Variants in SGCZ observed in about 807,000 individuals in gnomAD.
SGCZ encodes zeta-sarcoglycan.
In SGCZ, 40 loss-of-function variants were observed where a neutral mutation model predicts 41.3. That is an observed-to-expected ratio of 0.97 (90% CI 0.75 to 1.26). The LOEUF (loss-of-function observed/expected upper bound fraction) is 1.26, where lower values mean the gene tolerates loss of function less well. Among genes scored for constraint, SGCZ ranks in the 50% most tolerant of loss-of-function variants. SGCZ has a pLI of 0.00. For missense variants in SGCZ, 552 were observed against 369.8 expected, an observed-to-expected ratio of 1.49 and a Z score of -4.04; for synonymous variants, 206 against 137.5, an observed-to-expected ratio of 1.50 and a Z score of -3.49.
intron 4 of SGCZ, among the ~76,000 whole-genome samples, chr8:14,200,195 A>G (rs1805409550): frequency 6.6e-6 from 1 of 152,190 alleles, no homozygotes; most frequent in Admixed American, 6.5e-5. Context: ...TCAAATTACT[A>G]AAGAACACAA....
At chr8:14,436,348 G>A (rs1800091248) in intron 2 of SGCZ, among the ~76,000 whole-genome samples, 2 of 152,162 alleles carry the variant, frequency 1.3e-5, no homozygotes, top group Admixed American at 1.3e-4. Context: ...TTTAAGGTTT[G>A]TGTTCTTTGT....
At chr8:14,436,168 C>T (rs1006653239) in intron 2 of SGCZ, among the ~76,000 whole-genome samples, 6 of 152,146 alleles carry the variant, frequency 3.9e-5, no homozygotes, top group African/African-American at 1.2e-4. Flanking sequence ...CTGCCCCGAC[C>T]TCTTGCCAGT....
At chr8:14,438,339 C>T (rs1167748280) in intron 2 of SGCZ, among the ~76,000 whole-genome samples, 2 of 151,978 alleles carry the variant, frequency 1.3e-5, no homozygotes, top group East Asian at 1.9e-4. Context: ...GTATTACACA[C>T]ATTTTCTGAA....
chr8:14,937,004 C>T (rs1236742516), intron 1 of SGCZ, among the ~76,000 whole-genome samples: 2 of 151,464 alleles, frequency 1.3e-5, no homozygotes, highest in African/African-American at 4.8e-5. Flanking sequence ...AGAACAATAA[C>T]ATTAACCAAA....
chr8:15,021,945 T>A (rs1382785789), intron 1 of SGCZ, among the ~76,000 whole-genome samples: 1 of 152,202 alleles, frequency 6.6e-6, no homozygotes, highest in Non-Finnish European at 1.5e-5. Context: ...CTAAGAAACA[T>A]CCTGATGACC....
At chr8:14,365,495 T>C (rs1057496568) in intron 2 of SGCZ, among the ~76,000 whole-genome samples, 4 of 152,164 alleles carry the variant, frequency 2.6e-5, no homozygotes, top group Non-Finnish European at 4.4e-5. Flanking sequence ...TTGATTTCCA[T>C]GATGCAAACT....
At chr8:14,489,006 T>A (rs1801763886) in intron 2 of SGCZ, among the ~76,000 whole-genome samples, 1 of 148,124 alleles carries the variant, frequency 6.8e-6, no homozygotes, top group African/African-American at 2.4e-5. Context: ...TATATATGTA[T>A]ATATATAATA....
intron 1 of SGCZ, among the ~76,000 whole-genome samples, chr8:14,561,350 G>A (rs1231120059): frequency 2.6e-5 from 4 of 152,092 alleles, no homozygotes; most frequent in Non-Finnish European, 5.9e-5. Context: ...CAATTGCAGA[G>A]GTACTGATTT....
chr8:14,151,215 A>T (rs940452680), intron 5 of SGCZ, among the ~76,000 whole-genome samples: 1 of 152,314 alleles, frequency 6.6e-6, no homozygotes, highest in East Asian at 1.9e-4. Flanking sequence ...CCTTGAGGGC[A>T]TGAATACTCC....
chr8:14,276,436 C>T (rs1035613935), intron 3 of SGCZ, among the ~76,000 whole-genome samples: 2 of 152,086 alleles, frequency 1.3e-5, no homozygotes, highest in Admixed American at 6.6e-5. Context: ...ATTTATGTCC[C>T]GTGCCATGTG....
At chr8:14,512,544 TCA>T (rs149695151) in intron 2 of SGCZ, among the ~76,000 whole-genome samples, 3,030 of 152,192 alleles carry the variant, frequency 0.02, 74 homozygotes, top group African/African-American at 0.052. Context: ...GACTGCAGCC[TCA>T]AATTCCTGGA....
At position 14,152,622 on chromosome 8, in the gene SGCZ, A is replaced by T. The variant is rs1011020336; in HGVS notation, c.547+11958T>A. Among the ~76,000 whole-genome samples, 16 of 152,228 alleles carry T rather than the reference A, an allele frequency of 1.1e-4. 1 individual carries two copies. The highest frequency in any genetic ancestry group is 3.6e-4 in the African/African-American group (15 of 41,458). The stretch of plus-strand genomic sequence containing the variant: ...AGTGTTATAATCATTCTGCAAAAAA[A>T]GTTTATAAAACAAAACTTGCATCCA... On this transcript the variant is annotated intron_variant, in intron 5 of 7. Transcript: ENST00000382080.
chr8:14,725,158 G>C (rs1283876483), intron 1 of SGCZ, among the ~76,000 whole-genome samples: 7 of 152,224 alleles, frequency 4.6e-5, no homozygotes, highest in Admixed American at 2.6e-4. Context: ...TCCATCCATG[G>C]TGTTGCAAAT....
chr8:14,304,175 G>C (rs973885377), intron 3 of SGCZ, among the ~76,000 whole-genome samples: 1 of 152,130 alleles, frequency 6.6e-6, no homozygotes, highest in African/African-American at 2.4e-5. Context: ...GGATGTTGTA[G>C]CTCCCACTTG....
At chr8:15,001,904 G>A (rs1008541646) in intron 1 of SGCZ, among the ~76,000 whole-genome samples, 1 of 152,126 alleles carries the variant, frequency 6.6e-6, no homozygotes, top group Non-Finnish European at 1.5e-5. Context: ...AAGTGGTCAA[G>A]CTACTGCCAT....
chr8:14,466,660 T>G (rs1039700082), intron 2 of SGCZ, among the ~76,000 whole-genome samples: 17 of 151,790 alleles, frequency 1.1e-4, no homozygotes, highest in African/African-American at 4.1e-4. Flanking sequence ...TTTCTTTCTA[T>G]TCCTCAGACT....
intron 1 of SGCZ, among the ~76,000 whole-genome samples, chr8:14,593,581 G>C (rs1030765978): frequency 6.6e-6 from 1 of 152,134 alleles, no homozygotes; most frequent in African/African-American, 2.4e-5. Context: ...GTTTGGAAAG[G>C]ATGGCGACAG....
chr8:14,383,217 A>C (rs913924174), intron 2 of SGCZ, among the ~76,000 whole-genome samples: 2 of 152,204 alleles, frequency 1.3e-5, no homozygotes, highest in African/African-American at 4.8e-5. Context: ...GTTATATAAA[A>C]CCAATTAATG....
intron 4 of SGCZ, among the ~76,000 whole-genome samples, chr8:14,182,861 T>C (rs146801531): frequency 0.049 from 7,498 of 151,746 alleles, 259 homozygotes; most frequent in East Asian, 0.12. Flanking sequence ...AATACAAAAA[T>C]TAGCTGAGCG....
Sources: gnomAD v4.1 joint callset for allele counts (sites outside exome capture counted in the v4.1 genomes callset) on GRCh38, gnomAD v4.1.1 for gene constraint, MANE v1.5 for transcripts, NCBI Gene and HGNC (gene_info 2026-07-23, HGNC 2026-07-21) for gene names.